CDCA2: variants seen among roughly 807,000 people sequenced by gnomAD.
CDCA2 encodes the protein cell division cycle-associated protein 2.
In CDCA2, 44 loss-of-function variants were observed where a neutral mutation model predicts 67.0. That is an observed-to-expected ratio of 0.66 (90% CI 0.52 to 0.84). The LOEUF is 0.84. CDCA2 is among the 40% of genes least tolerant of loss of function. The probability of loss-of-function intolerance (pLI) is 0.00; values close to 1 mark genes in which losing one functional copy is unlikely to be tolerated. For missense variants in CDCA2, 1,253 were observed against 1,203.2 expected (o/e 1.04, Z -0.61); for synonymous variants, 447 against 418.7 (o/e 1.07, Z -0.82).
chr8:25,465,133 C>G (rs1376259673), intron 4 of CDCA2, among the ~76,000 whole-genome samples: 1 of 152,146 alleles, frequency 6.6e-6, no homozygotes, highest in Non-Finnish European at 1.5e-5. Flanking sequence ...ACCACCACGC[C>G]TGGTTAATTT....
chr8:25,482,529 A>G (rs754959410), intron 8 of CDCA2, among the ~76,000 whole-genome samples: 1 of 152,232 alleles, frequency 6.6e-6, no homozygotes. Context: ...ATATAACAGC[A>G]TCATACCATA....
At chr8:25,475,235 T>C (rs1332196242) in intron 7 of CDCA2, among the ~76,000 whole-genome samples, 1 of 152,168 alleles carries the variant, frequency 6.6e-6, no homozygotes, top group African/African-American at 2.4e-5. Flanking sequence ...AATGCAAATA[T>C]TTGGGCTGGG....
At chr8:25,488,815 A>T in intron 13 of CDCA2, 126 bp downstream of exon 13, 1 of 913,574 alleles carries the variant, frequency 1.1e-6, no homozygotes, top group Non-Finnish European at 1.5e-6. Context: ...ATGCAATCTT[A>T]CCGTGGAGTA....
chr8:25,481,743 CA>C (rs1464038783), intron 8 of CDCA2, among the ~76,000 whole-genome samples: 2 of 151,924 alleles, frequency 1.3e-5, no homozygotes, highest in African/African-American at 4.8e-5. Flanking sequence ...ACTAAGATGG[CA>C]AAAATTAGGA....
intron 12 of CDCA2, 44 bp from the exon 13 acceptor site, chr8:25,488,508 A>C (rs373202176): frequency 3.3e-6 from 5 of 1,520,800 alleles, no homozygotes; most frequent in Non-Finnish European, 4.4e-6. Flanking sequence ...TTAACATGTA[A>C]TTGCTTGTGC....
rs1803647155 is a variant in CDCA2 at position 25,483,453 on chromosome 8, A to C, written c.1087A>C (p.Asn363His). ...TGGGACTCATCCGAGCTTAATCTCAAATCTCCCAAACTGTTGCAAAGAGAA... is the reference window on the plus strand; with the variant it reads ...TGGGACTCATCCGAGCTTAATCTCACATCTCCCAAACTGTTGCAAAGAGAA... ...DDGTHPSLIS[N>H]LPNCCKEKEA... is the part of the protein sequence containing the mutation. The change falls in exon 9 of 15, where the codon AAT becomes CAT. Residue 363 changes from asparagine (N) to histidine (H), a missense_variant. Physicochemically the swap from Asn to His is moderately conservative, Grantham distance 68 (BLOSUM62 1). Transcript: ENST00000330560. 1 of 1,612,312 alleles carries C rather than the reference A, an allele frequency of 6.2e-7. No homozygotes were observed. The highest frequency in any genetic ancestry group is 8.5e-7 in the Non-Finnish European group (1 of 1,179,178).
Position 25,461,902 on chromosome 8 carries a change from A to G in CDCA2, c.233-152A>G, listed in dbSNP as rs148673787. 255 of 675,524 alleles carry G rather than the reference A, an allele frequency of 3.8e-4. No homozygotes were observed. In the African/African-American group the frequency reaches 3.8e-3, roughly 10 times the overall value. 41.8% of individuals were successfully genotyped at this position (675,524 alleles called of 1,614,324 possible). ...AAAAGATTCCTCTTCCACTGATTGT[A>G]TATGAATGACTGTGCCAGTAACTCT... On this transcript the variant is annotated intron_variant, in intron 3 of 14. Transcript: ENST00000330560.
At chr8:25,498,576 A>G (rs764847719) in intron 13 of CDCA2, among the ~76,000 whole-genome samples, 12 of 151,644 alleles carry the variant, frequency 7.9e-5, no homozygotes. Context: ...GAAGTAATGC[A>G]GAAAGATCCC....
At chr8:25,465,451 C>T (rs576273459) in intron 4 of CDCA2, among the ~76,000 whole-genome samples, 1 of 152,288 alleles carries the variant, frequency 6.6e-6, no homozygotes, top group East Asian at 1.9e-4. Context: ...AGGGAACTCT[C>T]AATTTTTATA....
intron 7 of CDCA2, among the ~76,000 whole-genome samples, chr8:25,477,214 G>A (rs1043067366): frequency 6.6e-6 from 1 of 152,082 alleles, no homozygotes; most frequent in Admixed American, 6.5e-5. Context: ...CACTATGGAC[G>A]GATATAGACA....
chr8:25,480,450 A>T (rs187981848), intron 8 of CDCA2, among the ~76,000 whole-genome samples: 96 of 152,286 alleles, frequency 6.3e-4, no homozygotes, highest in Admixed American at 2.2e-3. Context: ...TATATAAGTG[A>T]TATTAATTAC....
At chr8:25,488,789 T>A in intron 13 of CDCA2, 100 bp downstream of exon 13, 1 of 1,225,378 alleles carries the variant, frequency 8.2e-7, no homozygotes, top group Non-Finnish European at 1.1e-6. Flanking sequence ...CAGTTGACTT[T>A]GGACCAAGAT....
intron 3 of CDCA2, 31 bp from the exon 4 acceptor site, chr8:25,462,023 T>A (rs756364866): frequency 6.2e-7 from 1 of 1,601,630 alleles, no homozygotes; most frequent in Admixed American, 1.7e-5. Flanking sequence ...TGCCTTGTTT[T>A]GTTCCAATTT....
chr8:25,484,993 T>A (rs2117518209), intron 10 of CDCA2, among the ~76,000 whole-genome samples: 1 of 152,224 alleles, frequency 6.6e-6, no homozygotes, highest in African/African-American at 2.4e-5. Context: ...ATCATAACCA[T>A]GTGAGATTTA....
At position 25,507,631 on chromosome 8, in the gene CDCA2, A is replaced by G. The variant is rs1370810500; in HGVS notation, c.2965A>G (p.Thr989Ala). The G allele has an allele frequency of 5.0e-6, 8 of 1,614,114 alleles. 1 individual carries two copies. The South Asian group carries it at 8.8e-5, about 18-fold the overall frequency. Reference protein sequence around the residue: ...CISTLANTKATSQFKGYRRRS... With the variant: ...CISTLANTKAASQFKGYRRRS... ...ATCTACACTTGCAAATACTAAAGCC[A>G]CTTCCCAGTTCAAAGGCTACCGGAG... is the stretch of plus-strand genomic sequence containing the variant. The change falls in exon 15 of 15, where the codon ACT becomes GCT. Residue 989 changes from threonine to alanine, a missense_variant. Thr to Ala is a moderately conservative substitution (Grantham distance 58). Coordinates refer to ENST00000330560, the MANE Select transcript of CDCA2 (RefSeq NM_152562.4).
At chr8:25,502,930 A>G (rs1362496653) in intron 13 of CDCA2, among the ~76,000 whole-genome samples, 1 of 152,214 alleles carries the variant, frequency 6.6e-6, no homozygotes, top group Non-Finnish European at 1.5e-5. Flanking sequence ...TAAATGAAAT[A>G]TAAAAGTTAT....
chr8:25,493,391 A>G (rs1308011895), intron 13 of CDCA2, among the ~76,000 whole-genome samples: 1 of 152,196 alleles, frequency 6.6e-6, no homozygotes, highest in Admixed American at 6.5e-5. Flanking sequence ...TGACTCAAAA[A>G]CCAGAAACAG....
chr8:25,474,465 T>C (rs1012708618), intron 7 of CDCA2, among the ~76,000 whole-genome samples: 7 of 152,234 alleles, frequency 4.6e-5, no homozygotes, highest in Admixed American at 4.6e-4. Flanking sequence ...TCACTCATTA[T>C]TGGTCTTTTG....
chr8:25,463,686 C>T (rs1213642542), intron 4 of CDCA2, among the ~76,000 whole-genome samples: 1 of 152,154 alleles, frequency 6.6e-6, no homozygotes, highest in African/African-American at 2.4e-5. Context: ...TTGGCTATCC[C>T]ACAGAGCAGT....
Sources: gnomAD v4.1 joint callset for allele counts (sites outside exome capture counted in the v4.1 genomes callset) on GRCh38, gnomAD v4.1.1 for gene constraint, MANE v1.5 for transcripts, NCBI Gene and HGNC (gene_info 2026-07-23, HGNC 2026-07-21) for gene names.